Variants in DCP1B observed in about 807,000 individuals in gnomAD.
DCP1B encodes the protein mRNA-decapping enzyme 1B.
A neutral mutation model predicts 60.5 loss-of-function variants in DCP1B; 47 were observed. That is an observed-to-expected ratio of 0.78 (90% CI 0.61 to 0.99). The LOEUF (loss-of-function observed/expected upper bound fraction) is 0.99. Ranked by LOEUF, DCP1B falls within the 50% of genes least tolerant of loss-of-function variation. The probability of loss-of-function intolerance (pLI) is 0.00; values close to 1 mark genes in which losing one functional copy is unlikely to be tolerated. For synonymous variants in DCP1B, 267 were observed against 280.3 expected (o/e 0.95, Z 0.47); for missense variants, 725 against 756.8 (o/e 0.96, Z 0.49).
At chr12:1,957,232 C>A (rs112954760) in intron 5 of DCP1B, among the ~76,000 whole-genome samples, 6 of 152,132 alleles carry the variant, frequency 3.9e-5, no homozygotes, top group African/African-American at 1.4e-4. Context: ...TCACAGAGAA[C>A]CTGAGGCATT....
At chr12:1,966,452 C>T (rs1475116873) in intron 4 of DCP1B, among the ~76,000 whole-genome samples, 1 of 152,204 alleles carries the variant, frequency 6.6e-6, no homozygotes, top group Middle Eastern at 3.2e-3. Flanking sequence ...CTGTAACTTT[C>T]AGCTCACATT....
At chr12:1,960,916 T>C (rs563099087) in intron 5 of DCP1B, among the ~76,000 whole-genome samples, 1 of 152,308 alleles carries the variant, frequency 6.6e-6, no homozygotes, top group East Asian at 1.9e-4. Flanking sequence ...TCACCCCCTT[T>C]CTTCTGTCTC....
At chr12:1,964,229 C>T (rs1156850225) in intron 5 of DCP1B, among the ~76,000 whole-genome samples, 1 of 152,050 alleles carries the variant, frequency 6.6e-6, no homozygotes, top group East Asian at 1.9e-4. Context: ...CAATTACATA[C>T]ATTTATTTCA....
intron 8 of DCP1B, among the ~76,000 whole-genome samples, chr12:1,947,679 C>T (rs1404462624): frequency 2.6e-5 from 4 of 152,194 alleles, no homozygotes; most frequent in Non-Finnish European, 5.9e-5. Context: ...TCCTCCTGAG[C>T]TTACTATGAA....
intron 3 of DCP1B, among the ~76,000 whole-genome samples, chr12:1,972,923 T>C (rs960415079): frequency 6.6e-6 from 1 of 152,218 alleles, no homozygotes; most frequent in African/African-American, 2.4e-5. Flanking sequence ...CAGTAAACAC[T>C]CGAGCAGCAA....
chr12:1,980,345 CT>C (rs2035752328), intron 3 of DCP1B, among the ~76,000 whole-genome samples: 1 of 152,158 alleles, frequency 6.6e-6, no homozygotes. Flanking sequence ...TGTTAAGAAT[CT>C]TTTCATGTGA....
At chr12:1,972,659 C>T (rs1402266016) in intron 3 of DCP1B, among the ~76,000 whole-genome samples, 1 of 152,170 alleles carries the variant, frequency 6.6e-6, no homozygotes, top group Non-Finnish European at 1.5e-5. Context: ...GCCCTTCTCC[C>T]AGCCTTTCAA....
At chr12:1,981,033 G>GATA (rs1327256629) in intron 3 of DCP1B, among the ~76,000 whole-genome samples, 2 of 152,036 alleles carry the variant, frequency 1.3e-5, no homozygotes, top group East Asian at 3.8e-4. Context: ...TGTTCACATA[G>GATA]ATAAAACTAA....
At chr12:1,947,513 G>A (rs2030480356) in intron 8 of DCP1B, among the ~76,000 whole-genome samples, 1 of 152,162 alleles carries the variant, frequency 6.6e-6, no homozygotes, top group African/African-American at 2.4e-5. Flanking sequence ...CAGAGTGGAG[G>A]GCAGGGGAAT....
At position 1,948,950 on chromosome 12, in the gene DCP1B, G is replaced by C. The variant is rs981927476; in HGVS notation, c.1773+136C>G. ...CTAACTGAGCACAGAAGCCGCTGGG[G>C]TCAGGATGAGTTGTTACACACACCT... On this transcript the variant is annotated intron_variant, in intron 8 of 8. Transcript: ENST00000280665. This position sits in a 1 kb window ranked among gnomAD's most constrained non-coding sequence, Gnocchi z 4.8. The C allele has an allele frequency of 1.7e-6, 2 of 1,164,446 alleles. No individual in the cohort carries two copies. The highest frequency in any genetic ancestry group is 1.2e-6 in the Non-Finnish European group (1 of 828,056). 72.1% of individuals were successfully genotyped at this position (1,164,446 alleles called of 1,614,324 possible). A position where few individuals can be genotyped will look rare whatever the true frequency, so the allele number is the denominator to read the frequency against.
At chr12:1,950,897 C>G (rs1017310449) in intron 7 of DCP1B, among the ~76,000 whole-genome samples, 1 of 152,194 alleles carries the variant, frequency 6.6e-6, no homozygotes, top group Non-Finnish European at 1.5e-5. Flanking sequence ...ATTCTCCTAT[C>G]TTAACCTCCA....
At chr12:1,960,315 AC>A (rs1318750179) in intron 5 of DCP1B, among the ~76,000 whole-genome samples, 1 of 152,208 alleles carries the variant, frequency 6.6e-6, no homozygotes, top group African/African-American at 2.4e-5. Context: ...GCATGATTTC[AC>A]TCCTACATGA....
rs551018681 is a variant in DCP1B at position 1,967,438 on chromosome 12, TGG to T, written c.386+404_386+405del. ...GTATACACAGTTAAAGGAAAGCATCTGGGGGATGAAGGAAATGAAAGATTTTA... is the reference window on the plus strand; with the variant it reads ...GTATACACAGTTAAAGGAAAGCATCTGGGATGAAGGAAATGAAAGATTTTA... On this transcript the variant is annotated intron_variant, in intron 4 of 8. Coordinates refer to ENST00000280665, the MANE Select transcript of DCP1B (RefSeq NM_152640.5). Among the ~76,000 whole-genome samples the T allele has an allele frequency of 1.0e-3, 153 of 152,312 alleles. 5 individuals carry two copies. The highest frequency in any genetic ancestry group is 9.5e-3 in the South Asian group (46 of 4,820).
downstream of DCP1B, among the ~76,000 whole-genome samples, chr12:1,943,043 C>A (rs923322342): frequency 2.6e-5 from 4 of 152,092 alleles, no homozygotes; most frequent in African/African-American, 9.7e-5. Flanking sequence ...AATAGATAGA[C>A]TGCTAGCCAG....
intron 3 of DCP1B, among the ~76,000 whole-genome samples, chr12:1,979,746 A>T (rs890443020): frequency 2.0e-5 from 3 of 152,252 alleles, no homozygotes; most frequent in African/African-American, 7.2e-5. Flanking sequence ...GCAATGTATC[A>T]AAGTTTCCAT....
chr12:1,945,642 T>C (rs185246680), downstream of DCP1B, among the ~76,000 whole-genome samples: 41 of 152,304 alleles, frequency 2.7e-4, no homozygotes, highest in African/African-American at 6.7e-4. Context: ...CAAATGTCCA[T>C]TAATGATAGA....
At chr12:2,002,041 G>T (rs749824812) in intron 1 of DCP1B, among the ~76,000 whole-genome samples, 13 of 152,172 alleles carry the variant, frequency 8.5e-5, no homozygotes, top group Non-Finnish European at 1.5e-4. Context: ...CAGGGAGTAG[G>T]TCTAACTCTA....
At chr12:1,967,807 C>T (rs763367910) in intron 4 of DCP1B, 37 bp downstream of exon 4, 1 of 1,567,762 alleles carries the variant, frequency 6.4e-7, no homozygotes. Flanking sequence ...AACAAAAGCA[C>T]CAGGTCCTGA....
At chr12:1,989,189 G>C (rs1046762253) in intron 3 of DCP1B, among the ~76,000 whole-genome samples, 1 of 152,118 alleles carries the variant, frequency 6.6e-6, no homozygotes, top group Non-Finnish European at 1.5e-5. Context: ...TTTGAAACCA[G>C]CCTGGGAAAC....
Sources: allele counts gnomAD v4.1 joint callset (sites outside exome capture counted in the v4.1 genomes callset), GRCh38; gene constraint gnomAD v4.1.1; non-coding constraint Gnocchi (gnomAD v3.1); transcripts MANE v1.5; gene names NCBI Gene and HGNC (gene_info 2026-07-23, HGNC 2026-07-21).